The following GPD2 variants were observed in gnomAD, a reference collection of about 807,000 sequenced individuals.
GPD2 encodes glycerol-3-phosphate dehydrogenase, mitochondrial.
A neutral mutation model predicts 82.4 loss-of-function variants in GPD2; 54 were observed. The observed-to-expected ratio is 0.66, with a 90% CI of 0.53 to 0.82. The LOEUF (loss-of-function observed/expected upper bound fraction) is 0.82, where lower values mean the gene tolerates loss of function less well. Ranked by LOEUF, GPD2 falls within the 40% of genes least tolerant of loss-of-function variation. The pLI is 0.00. For missense variants in GPD2, 748 were observed against 896.2 expected, an observed-to-expected ratio of 0.83 and a Z score of 2.11; for synonymous variants, 288 against 306.1, an observed-to-expected ratio of 0.94 and a Z score of 0.62.
At chr2:156,423,327 C>T in the GPD2 span, among the ~76,000 whole-genome samples, 2 of 152,172 alleles carry the variant, frequency 1.3e-5, no homozygotes, top group Admixed American at 1.3e-4. Context: ...AATTGTGACA[C>T]AAGTAGTCAG....
chr2:156,411,053 A>G, the GPD2 span, among the ~76,000 whole-genome samples: 5 of 152,340 alleles, frequency 3.3e-5, no homozygotes, highest in South Asian at 6.2e-4. Context: ...AAATAATACT[A>G]CATATAGTGT....
At chr2:156,564,655 G>A (rs543165529) in intron 9 of GPD2, among the ~76,000 whole-genome samples, 9 of 152,082 alleles carry the variant, frequency 5.9e-5, no homozygotes, top group Non-Finnish European at 1.3e-4. Flanking sequence ...ACATCTCAAG[G>A]TTGGGAGGGG....
chr2:156,460,035 A>T (rs1682936895), intron 1 of GPD2, among the ~76,000 whole-genome samples: 1 of 152,148 alleles, frequency 6.6e-6, no homozygotes, highest in African/African-American at 2.4e-5. Context: ...TTGCCTCCTG[A>T]CTGCTTCATG....
intron 1 of GPD2, among the ~76,000 whole-genome samples, chr2:156,450,242 T>TA (rs1412867638): frequency 6.6e-6 from 1 of 152,142 alleles, no homozygotes; most frequent in African/African-American, 2.4e-5. Context: ...TTGAAGTGAT[T>TA]ATTAGATATT....
At chr2:156,559,978 A>G (rs1687109608) in intron 9 of GPD2, among the ~76,000 whole-genome samples, 1 of 152,150 alleles carries the variant, frequency 6.6e-6, no homozygotes, top group Non-Finnish European at 1.5e-5. Flanking sequence ...TCTGTATATA[A>G]TATTTGTTGA....
intron 1 of GPD2, among the ~76,000 whole-genome samples, chr2:156,455,501 A>G (rs1682760266): frequency 6.6e-6 from 1 of 152,064 alleles, no homozygotes; most frequent in African/African-American, 2.4e-5. Context: ...GCCTTGCTCT[A>G]TTGAGTTTCA....
chr2:156,497,948 C>T (rs1207642139), intron 3 of GPD2, among the ~76,000 whole-genome samples: 1 of 152,052 alleles, frequency 6.6e-6, no homozygotes, highest in African/African-American at 2.4e-5. Flanking sequence ...CTTTTTTCCC[C>T]TTGAAGGCCT....
chr2:156,475,957 G>T, intron 1 of GPD2, 141 bp from the exon 2 acceptor site: 1 of 622,790 alleles, frequency 1.6e-6, no homozygotes, highest in Non-Finnish European at 2.9e-6. Context: ...TATACACATT[G>T]GTTTGTTAGT....
chr2:156,557,742 G>A (rs1687017104), intron 9 of GPD2, among the ~76,000 whole-genome samples, 160 bp downstream of exon 9: 1 of 152,026 alleles, frequency 6.6e-6, no homozygotes, highest in Admixed American at 6.6e-5. Context: ...TAACATAATG[G>A]GGAGAAATTG....
At chr2:156,509,777 T>TTTTTA (rs1684921540) in intron 3 of GPD2, among the ~76,000 whole-genome samples, 1 of 144,274 alleles carries the variant, frequency 6.9e-6, no homozygotes, top group African/African-American at 2.6e-5. Flanking sequence ...TTTTTTTTTT[T>TTTTTA]TTTTTTTATT....
chr2:156,451,916 G>A lies in GPD2; in HGVS notation c.-9+15403G>A, dbSNP rs990934087. Among the ~76,000 whole-genome samples, 9 of 151,080 alleles carry A rather than the reference G, an allele frequency of 6.0e-5. No homozygotes were observed. The East Asian group carries it at 1.8e-3, about 30-fold the overall frequency. ...AGAGACGCTCCTCACCTCCCAGACG[G>A]GGTCGCGGCCGGGCAGAGGCGCTCC... On this transcript the variant is annotated intron_variant, in intron 1 of 16. Coordinates refer to ENST00000438166, the MANE Select transcript of GPD2 (RefSeq NM_000408.5).
intron 16 of GPD2, among the ~76,000 whole-genome samples, chr2:156,580,480 C>T (rs1296910478): frequency 6.6e-6 from 1 of 152,178 alleles, no homozygotes; most frequent in Non-Finnish European, 1.5e-5. Flanking sequence ...TACATTATTT[C>T]TAACTGTCCA....
chr2:156,534,490 G>A (rs1685989084), intron 6 of GPD2, among the ~76,000 whole-genome samples: 1 of 152,132 alleles, frequency 6.6e-6, no homozygotes, highest in African/African-American at 2.4e-5. Flanking sequence ...GTATTTCCTT[G>A]CCTCCTGTCC....
At chr2:156,524,754 C>T (rs764056307) in intron 6 of GPD2, among the ~76,000 whole-genome samples, 4 of 152,026 alleles carry the variant, frequency 2.6e-5, no homozygotes, top group South Asian at 4.1e-4. Context: ...AAGCAGAAGG[C>T]GTAGTTTACT....
At chr2:156,448,584 A>C (rs922354422) in intron 1 of GPD2, among the ~76,000 whole-genome samples, 14 of 152,226 alleles carry the variant, frequency 9.2e-5, no homozygotes, top group Non-Finnish European at 1.2e-4. Context: ...ATAATTTGGG[A>C]AGGCCTCTCT....
At chr2:156,510,942 TAAAC>T (rs1274570946) in intron 4 of GPD2, 22 bp downstream of exon 4, 2 of 1,611,154 alleles carry the variant, frequency 1.2e-6, no homozygotes, top group Non-Finnish European at 1.7e-6. Context: ...TGCTGGTTGT[TAAAC>T]AAAAATTGCA....
chr2:156,496,172 A>C lies in GPD2; in HGVS notation c.231A>C (p.Gly77=). Residue 77 remains glycine, a synonymous_variant, in exon 3 of 17, where the codon GGA becomes GGC. Coordinates refer to ENST00000438166, the MANE Select transcript of GPD2 (RefSeq NM_000408.5). ...AATTTGATATCCTTGTTATTGGAGG[A>C]GGAGCAACAGGAAGTGGCTGTGCGC... The part of the protein sequence containing the change: ...TSEFDILVIG[G]GATGSGCALD... 1 of 1,612,426 alleles carries C rather than the reference A, an allele frequency of 6.2e-7. No homozygotes were observed. The highest frequency in any genetic ancestry group is 8.5e-7 in the Non-Finnish European group (1 of 1,178,532).
the GPD2 span, among the ~76,000 whole-genome samples, chr2:156,417,731 T>C: frequency 1.3e-5 from 2 of 152,244 alleles, no homozygotes; most frequent in East Asian, 3.9e-4. Flanking sequence ...GTAAGTTGAT[T>C]TCCTAATCAG....
At chr2:156,449,645 G>A (rs1472602545) in intron 1 of GPD2, among the ~76,000 whole-genome samples, 1 of 151,980 alleles carries the variant, frequency 6.6e-6, no homozygotes, top group African/African-American at 2.4e-5. Context: ...TATGGGAAGT[G>A]GGAGTTAGTT....
Sources: gnomAD v4.1 joint callset for allele counts (sites outside exome capture counted in the v4.1 genomes callset) on GRCh38, gnomAD v4.1.1 for gene constraint, MANE v1.5 for transcripts, NCBI Gene and HGNC (gene_info 2026-07-23, HGNC 2026-07-21) for gene names.